Variants in KCTD20 observed in about 807,000 individuals in gnomAD.
The protein encoded by KCTD20 is BTB/POZ domain-containing protein KCTD20.
A neutral mutation model predicts 39.6 loss-of-function variants in KCTD20; 30 were observed. The ratio of observed to expected loss-of-function variants is 0.76; its 90% CI spans 0.57 to 1.03. The LOEUF is 1.03. KCTD20 is among the 50% of genes least tolerant of loss of function. The pLI is 0.00. For synonymous variants in KCTD20, 162 were observed against 180.6 expected (o/e 0.90, Z 0.83); for missense variants, 422 against 522.0 (o/e 0.81, Z 1.87).
At chr6:36,445,115 AGCCAGG>A (rs953111909) in intron 1 of KCTD20, among the ~76,000 whole-genome samples, 5 of 152,074 alleles carry the variant, frequency 3.3e-5, no homozygotes, top group African/African-American at 4.8e-5. Flanking sequence ...TACAAAAATA[AGCCAGG>A]CATGGTGGTG....
chr6:36,486,822 A>C lies in KCTD20; in HGVS notation c.968-61A>C. On this transcript the variant is annotated intron_variant, in intron 7 of 7. Transcript: ENST00000373731. Reference sequence around the variant, plus strand: ...AAACTGATGTGGTTAGGAAGGAGAAAGTATGGACACCAGAGTGAGCACAAT... The same window carrying C: ...AAACTGATGTGGTTAGGAAGGAGAACGTATGGACACCAGAGTGAGCACAAT... The C allele has an allele frequency of 2.2e-6, 3 of 1,345,172 alleles. No individual in the cohort carries two copies. The South Asian group carries it at 3.9e-5, about 18-fold the overall frequency. The allele number at this position is 1,345,172 out of a possible 1,614,324, so 83.3% of individuals were successfully genotyped here.
chr6:36,485,195 G>A (rs1776379227), intron 7 of KCTD20, among the ~76,000 whole-genome samples: 1 of 152,016 alleles, frequency 6.6e-6, no homozygotes, highest in Non-Finnish European at 1.5e-5. Context: ...AAATAGCTTG[G>A]GGACTCAAAA....
intron 1 of KCTD20, among the ~76,000 whole-genome samples, chr6:36,461,125 A>C (rs1340197330): frequency 6.6e-6 from 1 of 152,224 alleles, no homozygotes; most frequent in East Asian, 1.9e-4. Context: ...CATATGAAAG[A>C]ATCCAGCAGA....
chr6:36,458,541 CAAAAAAAAAA>C lies in KCTD20; in HGVS notation c.-46-11501_-46-11492del, dbSNP rs1174858102. Among the ~76,000 whole-genome samples, 132 of 66,880 alleles carry C rather than the reference CAAAAAAAAAA, an allele frequency of 2.0e-3. 1 individual carries two copies. In the South Asian group the frequency reaches 0.027, roughly 14 times the overall value. The allele number at this position is 66,880 out of a possible 152,430, so 43.9% of individuals were successfully genotyped here. A position where few individuals can be genotyped will look rare whatever the true frequency, so the allele number is the denominator to read the frequency against. ...GGGCAACAAGAGCAAAACTCCATCT[CAAAAAAAAAA>C]AAAAAAAAAGAAAAGAAAGAAAGGT... On this transcript the variant is annotated intron_variant, in intron 1 of 7. Transcript: ENST00000373731.
intron 4 of KCTD20, 52 bp from the exon 5 acceptor site, chr6:36,479,539 A>G: frequency 6.5e-7 from 1 of 1,533,504 alleles, no homozygotes; most frequent in African/African-American, 1.4e-5. Context: ...ATGAAGAAGT[A>G]ATTTTTCATC....
Position 36,486,868 on chromosome 6 carries a change from C to T in KCTD20, c.968-15C>T, listed in dbSNP as rs751353676. The T allele has an allele frequency of 4.4e-6, 7 of 1,604,878 alleles. No homozygotes were observed. Among genetic ancestry groups the T allele is most frequent in the African/African-American group, 1.3e-5 (1 of 74,424 alleles). ...ACAATTTGTTAGTCATGAGAATGGC[C>T]TTTTTCCATTGCAGGTTACCCTACC... On this transcript the variant is annotated splice_polypyrimidine_tract_variant and intron_variant, in intron 7 of 7. Transcript: ENST00000373731.
intron 7 of KCTD20, among the ~76,000 whole-genome samples, chr6:36,486,194 G>A (rs926636177): frequency 2.6e-5 from 4 of 152,112 alleles, no homozygotes; most frequent in Non-Finnish European, 4.4e-5. Context: ...AGGTGTGAGC[G>A]ACAGTGTCCA....
intron 1 of KCTD20, chr6:36,443,869 T>C (rs1774952272): frequency 6.6e-6 from 1 of 152,242 alleles, no homozygotes; most frequent in South Asian, 2.1e-4. Context: ...TAAACAAGGC[T>C]GTGAAGGAAC....
chr6:36,480,656 G>A (rs1254548661), intron 5 of KCTD20, among the ~76,000 whole-genome samples: 1 of 151,956 alleles, frequency 6.6e-6, no homozygotes, highest in Non-Finnish European at 1.5e-5. Flanking sequence ...CCGCCTCCTG[G>A]ATTCAAGCAA....
At chr6:36,450,162 CTA>C (rs1491551554) in intron 1 of KCTD20, among the ~76,000 whole-genome samples, 1 of 44,098 alleles carries the variant, frequency 2.3e-5, no homozygotes, top group African/African-American at 1.1e-4. Context: ...AGACTCCGTC[CTA>C]AAAAAAAAAA....
At chr6:36,449,939 C>T (rs1489601887) in intron 1 of KCTD20, among the ~76,000 whole-genome samples, 7 of 151,486 alleles carry the variant, frequency 4.6e-5, no homozygotes, top group Admixed American at 3.3e-4. Flanking sequence ...CTGAGGCGGG[C>T]GGATCACAAG....
intron 1 of KCTD20, among the ~76,000 whole-genome samples, chr6:36,463,025 A>C (rs983884094): frequency 6.6e-6 from 1 of 152,198 alleles, no homozygotes; most frequent in African/African-American, 2.4e-5. Flanking sequence ...GCTGTGCTTT[A>C]TACAGCTCCT....
intron 1 of KCTD20, among the ~76,000 whole-genome samples, chr6:36,447,818 C>T (rs906010097): frequency 6.6e-6 from 1 of 151,308 alleles, no homozygotes; most frequent in Non-Finnish European, 1.5e-5. Flanking sequence ...TGGCACGACT[C>T]TGTCTCTACA....
chr6:36,486,785 G>T, intron 7 of KCTD20, 98 bp from the exon 8 acceptor site: 2 of 975,794 alleles, frequency 2.0e-6, no homozygotes, highest in Non-Finnish European at 3.1e-6. Flanking sequence ...TCCATGCTGT[G>T]ATTTTGGGAG....
chr6:36,459,247 G>T (rs753899147), intron 1 of KCTD20, among the ~76,000 whole-genome samples: 1 of 152,164 alleles, frequency 6.6e-6, no homozygotes, highest in Non-Finnish European at 1.5e-5. Flanking sequence ...GGAGGCAGAG[G>T]TTGTAGTGAG....
rs775332647 is a variant in KCTD20 at position 36,467,318 on chromosome 6, ATTTTTTTTTTTTTTTTTTTTT to A, written c.-46-2716_-46-2696del. Among the ~76,000 whole-genome samples the A allele has an allele frequency of 1.0e-3, 30 of 29,906 alleles. 2 individuals carry two copies. Among genetic ancestry groups the A allele is most frequent in the Admixed American group, 4.2e-3 (7 of 1,676 alleles). 19.6% of individuals were successfully genotyped at this position (29,906 alleles called of 152,430 possible). A position where few individuals can be genotyped will look rare whatever the true frequency, so the allele number is the denominator to read the frequency against. ...TGAAAGACTCCGAAAATCCTTCAGG[ATTTTTTTTTTTTTTTTTTTTT>A]TTTTTTTTTTTTTTTTTGAGACGGA... On this transcript the variant is annotated intron_variant, in intron 1 of 7. Transcript: ENST00000373731.
intron 6 of KCTD20, among the ~76,000 whole-genome samples, chr6:36,483,263 C>CTTTTTTTTTTT (rs766717414): frequency 1.3e-5 from 1 of 76,728 alleles, no homozygotes; most frequent in African/African-American, 4.9e-5. Flanking sequence ...GTGGCTTTTT[C>CTTTTTTTTTTT]TTTTTTTTTT....
chr6:36,454,372 C>T (rs547566268), intron 1 of KCTD20, among the ~76,000 whole-genome samples: 7 of 147,888 alleles, frequency 4.7e-5, no homozygotes, highest in East Asian at 2.0e-4. Flanking sequence ...GATGGAGTCT[C>T]GCTCTGTCGC....
intron 5 of KCTD20, among the ~76,000 whole-genome samples, chr6:36,480,894 G>A (rs1471109330): frequency 1.3e-5 from 2 of 152,058 alleles, no homozygotes; most frequent in Non-Finnish European, 2.9e-5. Context: ...TTATAGATAC[G>A]GACTTGCTTA....
Sources: allele counts gnomAD v4.1 joint callset (sites outside exome capture counted in the v4.1 genomes callset), GRCh38; gene constraint gnomAD v4.1.1; transcripts MANE v1.5; gene names NCBI Gene and HGNC (gene_info 2026-07-23, HGNC 2026-07-21).